The following MAPKAPK2 variants were observed in gnomAD, a reference collection of about 807,000 sequenced individuals.
MAPKAPK2 encodes MAPK activated protein kinase 2.
Under a neutral mutation model 48.8 loss-of-function variants are expected in MAPKAPK2, and 9 were observed. The observed-to-expected ratio is 0.18, with a 90% confidence interval of 0.11 to 0.32. The LOEUF (loss-of-function observed/expected upper bound fraction) is 0.32. Ranked by LOEUF, MAPKAPK2 falls within the 10% of genes least tolerant of loss-of-function variation. The probability of loss-of-function intolerance (pLI) is 1.00; values close to 1 mark genes in which losing one functional copy is unlikely to be tolerated. For missense variants in MAPKAPK2, 331 were observed against 498.3 expected (o/e 0.66, Z 3.20); for synonymous variants, 202 against 190.6 (o/e 1.06, Z -0.49).
At chr1:206,724,989 G>A (rs782633581) in intron 1 of MAPKAPK2, among the ~76,000 whole-genome samples, 16,026 of 152,258 alleles carry the variant, frequency 0.11, 1,161 homozygotes, top group Middle Eastern at 0.16. Flanking sequence ...TACAGATGAG[G>A]AAACCCTTTC....
At chr1:206,720,408 A>C (rs1673477600) in intron 1 of MAPKAPK2, among the ~76,000 whole-genome samples, 1 of 152,168 alleles carries the variant, frequency 6.6e-6, no homozygotes, top group African/African-American at 2.4e-5. Context: ...TCTGTTGCCC[A>C]GGCTGGAGTG....
chr1:206,703,884 G>A (rs1416322510), intron 1 of MAPKAPK2, among the ~76,000 whole-genome samples: 4 of 152,210 alleles, frequency 2.6e-5, no homozygotes, highest in Non-Finnish European at 4.4e-5. Flanking sequence ...TCAGAGCAGG[G>A]GCAGCCTGCT....
intron 1 of MAPKAPK2, among the ~76,000 whole-genome samples, chr1:206,718,103 A>C (rs556499220): frequency 9.2e-5 from 14 of 152,372 alleles, no homozygotes; most frequent in Admixed American, 5.2e-4. Context: ...AAAAATATGC[A>C]AAAGAAGAAA....
intron 1 of MAPKAPK2, among the ~76,000 whole-genome samples, chr1:206,687,298 C>CAG (rs1185386947): frequency 8.6e-4 from 131 of 152,318 alleles, no homozygotes; most frequent in African/African-American, 3.1e-3. Context: ...AGTGGCAATT[C>CAG]AGATTTCTCT....
intron 1 of MAPKAPK2, among the ~76,000 whole-genome samples, chr1:206,693,695 G>C (rs1200340857): frequency 6.6e-6 from 1 of 152,200 alleles, no homozygotes; most frequent in Admixed American, 6.5e-5. Context: ...TGGGCAGTCT[G>C]CCCCAGGCCT....
Position 206,732,548 on chromosome 1 carries a change from C to A in MAPKAPK2, c.1060-27C>A. ...TACCTGTCTTCTGGCTCTCTCTGTA[C>A]CCTTCCTGGTGCTGCCGTGCCCCCA... On this transcript the variant is annotated intron_variant, in intron 9 of 9. Transcript: ENST00000367103. The surrounding 1 kb of genome is among the most constrained non-coding windows in gnomAD (Gnocchi z 4.4). 1 of 1,612,634 alleles carries A rather than the reference C, an allele frequency of 6.2e-7. No individual in the cohort carries two copies. Among genetic ancestry groups the A allele is most frequent in the Non-Finnish European group, 8.5e-7 (1 of 1,179,460 alleles).
chr1:206,729,711 A>C (rs910823368), intron 4 of MAPKAPK2, among the ~76,000 whole-genome samples: 1 of 151,950 alleles, frequency 6.6e-6, no homozygotes, highest in Non-Finnish European at 1.5e-5. Flanking sequence ...AGAACCCCTC[A>C]GTCACACTCT....
At chr1:206,709,527 C>T (rs1481991289) in intron 1 of MAPKAPK2, among the ~76,000 whole-genome samples, 2 of 152,150 alleles carry the variant, frequency 1.3e-5, no homozygotes, top group African/African-American at 4.8e-5. Flanking sequence ...GTCATGGCAT[C>T]AGATCAGATG....
intron 1 of MAPKAPK2, among the ~76,000 whole-genome samples, chr1:206,691,512 T>C (rs1243156448): frequency 1.2e-4 from 17 of 142,206 alleles, no homozygotes; most frequent in Middle Eastern, 3.7e-3. Context: ...TATACACACA[T>C]ACACAGATAT....
At chr1:206,718,532 CAA>C (rs60964142) in intron 1 of MAPKAPK2, among the ~76,000 whole-genome samples, 127 of 114,656 alleles carry the variant, frequency 1.1e-3, no homozygotes, top group Non-Finnish European at 2.2e-3. Context: ...GACTCCATCT[CAA>C]AAAAAAAAAA....
intron 1 of MAPKAPK2, among the ~76,000 whole-genome samples, chr1:206,715,529 A>G (rs141047977): frequency 6.6e-6 from 1 of 151,408 alleles, no homozygotes; most frequent in Non-Finnish European, 1.5e-5. Context: ...AGAGACTTGG[A>G]CCTTGTCTTT....
At chr1:206,714,307 A>G (rs1026452693) in intron 1 of MAPKAPK2, among the ~76,000 whole-genome samples, 9 of 152,160 alleles carry the variant, frequency 5.9e-5, no homozygotes, top group Non-Finnish European at 1.3e-4. Flanking sequence ...CCTTTGGTCT[A>G]TAATTCAGTA....
rs538742253 is a variant in MAPKAPK2, at chr1:206,731,331, C to T, written c.892+69C>T. On this transcript the variant is annotated intron_variant, in intron 7 of 9. Coordinates refer to ENST00000367103, the MANE Select transcript of MAPKAPK2 (RefSeq NM_032960.4). This position sits in a 1 kb window ranked among gnomAD's most constrained non-coding sequence, Gnocchi z 5.9. ...GTGTGTGTGTGTGTATGTGTGTACA[C>T]GCAGACACATGTATGGGCCTCCATC... is the stretch of plus-strand genomic sequence containing the variant. 1.8e-5 allele frequency: 29 copies of T among 1,595,756 alleles called. No homozygotes were observed. The highest frequency in any genetic ancestry group is 1.7e-4 in the Middle Eastern group (1 of 5,936).
At chr1:206,714,262 C>T (rs545566104) in intron 1 of MAPKAPK2, among the ~76,000 whole-genome samples, 13 of 152,278 alleles carry the variant, frequency 8.5e-5, no homozygotes, top group Non-Finnish European at 1.6e-4. Context: ...TGTTCATATA[C>T]TTCATAGAGG....
chr1:206,687,912 T>G (rs1553425795), intron 1 of MAPKAPK2, among the ~76,000 whole-genome samples: 1 of 152,212 alleles, frequency 6.6e-6, no homozygotes, highest in East Asian at 1.9e-4. Context: ...CAGCCTCTGC[T>G]GGGGTTCAGA....
chr1:206,688,202 A>G (rs552042956), intron 1 of MAPKAPK2, among the ~76,000 whole-genome samples: 24 of 152,262 alleles, frequency 1.6e-4, no homozygotes, highest in African/African-American at 4.8e-4. Flanking sequence ...TTGAAAGGTC[A>G]TTTTGTCCAG....
At chr1:206,708,982 A>G (rs1033196379) in intron 1 of MAPKAPK2, among the ~76,000 whole-genome samples, 2 of 152,308 alleles carry the variant, frequency 1.3e-5, no homozygotes, top group Admixed American at 1.3e-4. Context: ...TTGCTTCTCC[A>G]TTCCCCTGTT....
At chr1:206,711,874 C>T (rs947987948) in intron 1 of MAPKAPK2, among the ~76,000 whole-genome samples, 4 of 152,122 alleles carry the variant, frequency 2.6e-5, no homozygotes, top group South Asian at 2.1e-4. Flanking sequence ...CCATCTGCCT[C>T]GGCCTCTCAA....
At position 206,685,333 on chromosome 1, in the gene MAPKAPK2, C is replaced by T; in HGVS notation, c.104C>T (p.Pro35Leu). 7.4e-7 allele frequency: 1 copy of T among 1,356,808 alleles called. No homozygotes were observed. Among genetic ancestry groups the T allele is most frequent in the Non-Finnish European group, 9.8e-7 (1 of 1,021,544 alleles). 84.0% of individuals were successfully genotyped at this position (1,356,808 alleles called of 1,614,324 possible). A position where few individuals can be genotyped will look rare whatever the true frequency, so the allele number is the denominator to read the frequency against. The change falls in exon 1 of 10, where the codon CCG (proline) becomes CTG (leucine). Residue 35 changes from proline (P) to leucine (L), a missense_variant. Around this residue, in one of 4 missense-constraint regions of MAPKAPK2, gnomAD observed 93 missense variants for 81.0 expected, o/e 1.15. Transcript: ENST00000367103. The stretch of plus-strand genomic sequence containing the variant: ...GCCCTGCCGCACCCCCCGGCGCAGC[C>T]GCCGCCGCCGCCCCCGCAGCAGTTC... ...TPALPHPPAQ[P>L]PPPPPQQFPQ...
Sources: allele counts gnomAD v4.1 joint callset (sites outside exome capture counted in the v4.1 genomes callset), GRCh38; gene constraint gnomAD v4.1.1; regional missense constraint gnomAD v4.1.1; non-coding constraint Gnocchi (gnomAD v3.1); transcripts MANE v1.5; gene names NCBI Gene and HGNC (gene_info 2026-07-23, HGNC 2026-07-21).